RBMX2: variants seen among roughly 807,000 people sequenced by gnomAD.
The protein encoded by RBMX2 is RNA binding motif protein X-linked 2.
For missense variants in RBMX2, 191 were observed against 256.0 expected, an observed-to-expected ratio of 0.75 and a Z score of 1.73; for synonymous variants, 77 against 94.3, an observed-to-expected ratio of 0.82 and a Z score of 1.07.
chrX:130,402,166 C>G, intron 1 of RBMX2, 89 bp from the exon 2 acceptor site: 15 of 1,163,482 alleles, frequency 1.3e-5, no homozygotes, highest in Non-Finnish European at 1.7e-5. Context: ...AGCTCGTCCC[C>G]TAGTTTTGCT....
intron 3 of RBMX2, 90 bp from the exon 4 acceptor site, chrX:130,409,167 A>G: frequency 1.2e-6 from 1 of 819,229 alleles, no homozygotes; most frequent in Non-Finnish European, 1.7e-6. Context: ...TCTTGTATAC[A>G]CTATATTATT....
intron 3 of RBMX2, among the ~76,000 whole-genome samples, chrX:130,405,012 A>G (rs934255546): frequency 5.3e-5 from 6 of 112,363 alleles, no homozygotes; most frequent in East Asian, 2.8e-4. Flanking sequence ...CTAATTATCT[A>G]TTCTCTATTC....
At chrX:130,404,219 C>T (rs773094588) in intron 3 of RBMX2, 8 of 191,785 alleles carry the variant, frequency 4.2e-5, no homozygotes, top group South Asian at 2.2e-4. Flanking sequence ...TGGCGTCATA[C>T]GATTGGGGCA....
At chrX:130,412,250 C>A (rs2034516912) in intron 5 of RBMX2, 111 bp from the exon 6 acceptor site, 2 of 969,190 alleles carry the variant, frequency 2.1e-6, no homozygotes. Flanking sequence ...ACTGTAGCAC[C>A]TGTGGTTGAT....
rs764384215 is a variant in RBMX2 at position 130,402,001 on chromosome X, G to C, written c.-32G>C. ...CGCTGCGCTGCCTTTCCCGGGCGCTGATTCCTGAGTGCTGAGCGCGAACCC... is the reference window on the plus strand; with the variant it reads ...CGCTGCGCTGCCTTTCCCGGGCGCTCATTCCTGAGTGCTGAGCGCGAACCC... On this transcript the variant is annotated 5_prime_UTR_variant, in exon 1 of 6. Coordinates refer to ENST00000305536, the MANE Select transcript of RBMX2 (RefSeq NM_016024.4). 1 of 1,186,281 alleles carries C rather than the reference G, an allele frequency of 8.4e-7. No homozygotes were observed. The highest frequency in any genetic ancestry group is 1.9e-5 in the South Asian group (1 of 53,866).
intron 3 of RBMX2, among the ~76,000 whole-genome samples, chrX:130,406,973 G>A (rs754706433): frequency 9.0e-6 from 1 of 110,956 alleles, no homozygotes; most frequent in East Asian, 2.8e-4. Context: ...AGACTTTGGA[G>A]CATTTTGAAT....
At chrX:130,408,117 C>T (rs2034494654) in intron 3 of RBMX2, among the ~76,000 whole-genome samples, 1 of 109,411 alleles carries the variant, frequency 9.1e-6, no homozygotes, top group Non-Finnish European at 1.9e-5. Context: ...AGGTGTGAGC[C>T]ACCATGCCTG....
At chrX:130,403,921 G>T in intron 3 of RBMX2, 68 bp downstream of exon 3, 6 of 1,088,952 alleles carry the variant, frequency 5.5e-6, no homozygotes, top group Non-Finnish European at 6.4e-6. Context: ...ACATTTTGTG[G>T]CATCACAAAA....
At position 130,412,998 on chromosome X, in the gene RBMX2, T is replaced by G. The variant is rs2034523089; in HGVS notation, c.*150T>G. 2 of 521,267 alleles carry G rather than the reference T, an allele frequency of 3.8e-6. No individual in the cohort carries two copies. Among genetic ancestry groups the G allele is most frequent in the Admixed American group, 4.1e-5 (1 of 24,188 alleles). 43.0% of individuals were successfully genotyped at this position (521,267 alleles called of 1,213,427 possible). The stretch of plus-strand genomic sequence containing the variant: ...TTTAGAGTCATTGGGAGGGCTGCAG[T>G]TTCAACAGCTAGATATCCTGGATAT... On this transcript the variant is annotated 3_prime_UTR_variant, in exon 6 of 6. Coordinates refer to ENST00000305536, the MANE Select transcript of RBMX2 (RefSeq NM_016024.4).
chrX:130,402,234 A>AAC, intron 1 of RBMX2, 21 bp from the exon 2 acceptor site: 3 of 583,474 alleles, frequency 5.1e-6, no homozygotes, highest in Non-Finnish European at 7.2e-6. Context: ...TACCCTCCCC[A>AAC]CCCCCCCCGC....
At chrX:130,411,602 A>T in intron 5 of RBMX2, 77 bp downstream of exon 5, 1 of 928,400 alleles carries the variant, frequency 1.1e-6, no homozygotes, top group Non-Finnish European at 1.4e-6. Flanking sequence ...GATAGTTGAT[A>T]ATCAACTCAA....
chrX:130,408,674 C>A (rs1451252837), intron 3 of RBMX2, among the ~76,000 whole-genome samples: 4 of 111,336 alleles, frequency 3.6e-5, no homozygotes. Context: ...GAGACCTAAT[C>A]CATAGTCAAT....
chrX:130,403,361 A>ATTTC (rs746004601), intron 2 of RBMX2, among the ~76,000 whole-genome samples: 1 of 111,179 alleles, frequency 9.0e-6, no homozygotes, highest in Non-Finnish European at 1.9e-5. Flanking sequence ...GTCAGACTTA[A>ATTTC]TTTCTTTCTT....
intron 2 of RBMX2, among the ~76,000 whole-genome samples, chrX:130,403,092 G>A (rs1401587872): frequency 8.9e-6 from 1 of 112,519 alleles, no homozygotes; most frequent in East Asian, 2.8e-4. Context: ...TTGTCTATGT[G>A]TAGGTGGGGT....
chrX:130,403,656 AG>A lies in RBMX2; in HGVS notation c.122-145del, dbSNP rs200761273. ...CCAAAGTGTTGGGATTACAGGCGTG[AG>A]CCACGGTGCCCAGCCCAGACTTGAT... On this transcript the variant is annotated intron_variant, in intron 2 of 5. Coordinates refer to ENST00000305536, the MANE Select transcript of RBMX2 (RefSeq NM_016024.4). 1.0e-3 allele frequency: 552 copies of A among 536,973 alleles called. 1 individual carries two copies. In the African/African-American group the frequency reaches 0.011, roughly 11 times the overall value. The allele number at this position is 536,973 out of a possible 1,213,427, so 44.3% of individuals were successfully genotyped here.
intron 1 of RBMX2, 30 bp from the exon 2 acceptor site, chrX:130,402,225 A>ACCCAACCCACC: frequency 3.0e-6 from 3 of 984,792 alleles, no homozygotes; most frequent in Non-Finnish European, 4.2e-6. Flanking sequence ...TTTTCTGCCT[A>ACCCAACCCACC]CCCTCCCCAC....
chrX:130,402,225 A>AGCCCAAC, intron 1 of RBMX2, 30 bp from the exon 2 acceptor site: 2 of 984,795 alleles, frequency 2.0e-6, no homozygotes, highest in Non-Finnish European at 2.8e-6. Context: ...TTTTCTGCCT[A>AGCCCAAC]CCCTCCCCAC....
Position 130,412,488 on chromosome X carries a change from G to T in RBMX2, c.609G>T (p.Lys203Asn), listed in dbSNP as rs772052485. 5.0e-6 allele frequency: 6 copies of T among 1,210,579 alleles called. No individual in the cohort carries two copies. The highest frequency in any genetic ancestry group is 5.6e-6 in the Non-Finnish European group (5 of 895,178). ...AGGAAAAGGATGACACTGGCCCTAA[G>T]AAGCACAGCAGCAAGAACTCAGAGA... ...TVKEKDDTGP[K>N]KHSSKNSERA... is the part of the protein sequence containing the mutation. Residue 203 changes from lysine to asparagine, a missense_variant, in exon 6 of 6, where the codon AAG (lysine) becomes AAT (asparagine). By Grantham distance (94) the Lys-to-Asn change is moderately conservative (BLOSUM62 0). Transcript: ENST00000305536.
intron 3 of RBMX2, among the ~76,000 whole-genome samples, chrX:130,406,102 G>A (rs1426250885): frequency 3.0e-5 from 2 of 66,336 alleles, no homozygotes; most frequent in African/African-American, 1.6e-4. Context: ...TGATCCGCCC[G>A]CCTCGGCCTC....
Sources: gnomAD v4.1 joint callset for allele counts (sites outside exome capture counted in the v4.1 genomes callset) on GRCh38, gnomAD v4.1.1 for gene constraint, MANE v1.5 for transcripts, NCBI Gene and HGNC (gene_info 2026-07-23, HGNC 2026-07-21) for gene names.